USH1C: variants seen among roughly 807,000 people sequenced by gnomAD.
USH1C encodes USH1 protein network component harmonin, also known as harmonin.
In USH1C, 90 loss-of-function variants were observed where a neutral mutation model predicts 119.3. That is an observed-to-expected ratio of 0.75 (90% CI 0.64 to 0.90). The LOEUF is 0.90. Among genes scored for constraint, USH1C ranks in the 40% least tolerant of loss-of-function variants. The pLI is 0.00. For missense variants in USH1C, 1,165 were observed against 1,167.7 expected (o/e 1.00, Z 0.03); for synonymous variants, 465 against 443.3 (o/e 1.05, Z -0.62).
chr11:17,521,482 C>A (rs1184868264), intron 12 of USH1C, 71 bp from the exon 13 acceptor site: 10 of 1,538,052 alleles, frequency 6.5e-6, no homozygotes, highest in African/African-American at 1.4e-5. Context: ...ACTGTGAATT[C>A]TTGATTTGGA....
At chr11:17,530,207 T>A (rs1399410527) in intron 4 of USH1C, among the ~76,000 whole-genome samples, 1 of 152,102 alleles carries the variant, frequency 6.6e-6, no homozygotes, top group African/African-American at 2.4e-5. Context: ...CGCTGGAAGC[T>A]CTTGGTGATG....
intron 14 of USH1C, among the ~76,000 whole-genome samples, chr11:17,518,210 A>G (rs114914711): frequency 6.6e-6 from 1 of 152,218 alleles, no homozygotes; most frequent in Non-Finnish European, 1.5e-5. Flanking sequence ...CTCAAATTAC[A>G]TTTACCCAAC....
chr11:17,522,017 G>C (rs978421695), intron 12 of USH1C, among the ~76,000 whole-genome samples: 2 of 151,936 alleles, frequency 1.3e-5, no homozygotes, highest in African/African-American at 4.8e-5. Context: ...ATTTTTAGTA[G>C]AGACACAGTT....
In USH1C at chr11:17,504,744, G is replaced by A. The variant is rs534537152; in HGVS notation, c.2134-47C>T. 3.6e-5 allele frequency: 57 copies of A among 1,600,898 alleles called. No individual in the cohort carries two copies. The South Asian group carries it at 6.2e-4, about 17-fold the overall frequency. On this transcript the variant is annotated intron_variant, in intron 19 of 26. Coordinates refer to ENST00000005226, the MANE Select transcript of USH1C (RefSeq NM_153676.4). ...AGTTCCACATTGGATGTTACCAATAGGTCTTGGCTGCCCCCTGGTGCCAGG... is the reference window on the plus strand; with the variant it reads ...AGTTCCACATTGGATGTTACCAATAAGTCTTGGCTGCCCCCTGGTGCCAGG...
At chr11:17,498,385 C>T in intron 23 of USH1C, 114 bp from the exon 24 acceptor site, 1 of 998,458 alleles carries the variant, frequency 1.0e-6, no homozygotes, top group South Asian at 1.3e-5. Flanking sequence ...AGCCTGGGTT[C>T]TGAAAGCTCA....
intron 1 of USH1C, among the ~76,000 whole-genome samples, chr11:17,539,052 C>A (rs772700018): frequency 6.6e-6 from 1 of 152,216 alleles, no homozygotes; most frequent in African/African-American, 2.4e-5. Context: ...CTGCTCCCTG[C>A]TGCCACCCTG....
In USH1C at chr11:17,501,168, G is replaced by T. The variant is rs760068779; in HGVS notation, c.2281-18C>A. ...GATCCCTCCTGGTTAGAGGAAAACA[G>T]GCCTTAGGGAGCCAAGCAGACAGCA... On this transcript the variant is annotated intron_variant, in intron 22 of 26. Transcript: ENST00000005226. 12 of 1,601,798 alleles carry T rather than the reference G, an allele frequency of 7.5e-6. No individual in the cohort carries two copies. The highest frequency in any genetic ancestry group is 1.6e-4 in the Middle Eastern group (1 of 6,062).
At chr11:17,519,414 G>A (rs1850312154) in intron 14 of USH1C, among the ~76,000 whole-genome samples, 1 of 152,242 alleles carries the variant, frequency 6.6e-6, no homozygotes, top group African/African-American at 2.4e-5. Flanking sequence ...CAAAGAGCTT[G>A]ATTTGTTTAA....
Position 17,509,585 on chromosome 11 carries a change from C to A in USH1C, c.1784G>T (p.Trp595Leu). The A allele has an allele frequency of 6.3e-7, 1 of 1,592,070 alleles. No homozygotes were observed. ...SGHVSASSSP[W>L]VQRTPPPIPI... ...AATGGGGGGTGGAGTGCGCTGCACC[C>A]ATGGAGAGGATGAGGCGCTCACATG... The change falls in exon 18 of 27, where the codon TGG becomes TTG. Residue 595 changes from tryptophan (W) to leucine (L), a missense_variant. Transcript: ENST00000005226.
chr11:17,527,858 CAT>C (rs1224665888), intron 4 of USH1C, among the ~76,000 whole-genome samples: 2 of 152,136 alleles, frequency 1.3e-5, no homozygotes, highest in Admixed American at 6.5e-5. Flanking sequence ...CACACACACA[CAT>C]ATGATTTTTT....
rs1849570047 is a variant in USH1C, at chr11:17,504,541, C to A, written c.2184+106G>T. On this transcript the variant is annotated intron_variant, in intron 20 of 26. Transcript: ENST00000005226. ...GCCTGAGGCTTGGTGGCAGATGGGG[C>A]CACCATGGACCTGACCAGGTACTCC... 1.5e-5 allele frequency: 19 copies of A among 1,280,786 alleles called. No homozygotes were observed. The South Asian group carries it at 2.2e-4, about 15-fold the overall frequency. 79.3% of individuals were successfully genotyped at this position (1,280,786 alleles called of 1,614,324 possible).
chr11:17,509,345 A>G lies in USH1C; in HGVS notation c.2013+11T>C. 1.3e-6 allele frequency: 2 copies of G among 1,567,988 alleles called. No individual in the cohort carries two copies. Among genetic ancestry groups the G allele is most frequent in the South Asian group, 2.4e-5 (2 of 83,920 alleles). ...TACTTCCAAACATAGCATGCAGAAC[A>G]GGGACATTACCTTTGGGGTGGGTGG... On this transcript the variant is annotated intron_variant, in intron 18 of 26. Transcript: ENST00000005226.
chr11:17,543,267 T>C (rs7933452), intron 1 of USH1C, among the ~76,000 whole-genome samples: 80,414 of 152,128 alleles, frequency 0.53, 21,543 homozygotes, highest in African/African-American at 0.61. Context: ...TGAGCTCAGC[T>C]CTCAAACCAG....
At chr11:17,517,504 G>C in intron 14 of USH1C, 1 of 1,566,122 alleles carries the variant, frequency 6.4e-7, no homozygotes, top group Non-Finnish European at 8.7e-7. Context: ...GGAAGCTGGT[G>C]AACCAAAAGG....
At chr11:17,543,919 T>A (rs553467799) in intron 1 of USH1C, among the ~76,000 whole-genome samples, 32 of 152,116 alleles carry the variant, frequency 2.1e-4, no homozygotes, top group African/African-American at 7.0e-4. Flanking sequence ...AGCCCTGAGC[T>A]GGGGGCACTA....
intron 4 of USH1C, among the ~76,000 whole-genome samples, chr11:17,527,746 C>A (rs548113095): frequency 6.6e-6 from 1 of 152,330 alleles, no homozygotes; most frequent in South Asian, 2.1e-4. Context: ...TCCCAACCCA[C>A]CCCTAGGAAG....
In USH1C at chr11:17,509,741, A is replaced by C; in HGVS notation, c.1628T>G (p.Leu543Arg). ...AGGLHLHTTD[L>R]DDIPLDMFYY... is the part of the protein sequence containing the mutation. Reference sequence around the variant, plus strand: ...GAACATGTCCAAAGGGATGTCGTCCAGGTCAGTGGTGTGCAGGTGCAGTCC... The same window carrying C: ...GAACATGTCCAAAGGGATGTCGTCCCGGTCAGTGGTGTGCAGGTGCAGTCC... Residue 543 changes from leucine to arginine, a missense_variant, in exon 18 of 27, where the codon CTG becomes CGG. Leu to Arg is a moderately radical substitution (Grantham distance 102). Transcript: ENST00000005226. The C allele has an allele frequency of 6.3e-7, 1 of 1,575,550 alleles. No individual in the cohort carries two copies. The highest frequency in any genetic ancestry group is 1.1e-5 in the South Asian group (1 of 90,502).
intron 15 of USH1C, chr11:17,514,455 G>A (rs182937439): frequency 3.3e-5 from 5 of 152,324 alleles, no homozygotes; most frequent in East Asian, 1.9e-4. Context: ...CCAACCTCAC[G>A]TGATTCGCCT....
intron 19 of USH1C, 117 bp from the exon 20 acceptor site, chr11:17,504,814 C>CGAGCA: frequency 1.9e-6 from 2 of 1,056,506 alleles, no homozygotes; most frequent in Non-Finnish European, 2.9e-6. Flanking sequence ...TGTCCCTCCC[C>CGAGCA]GAGCAGTCTG....
Sources: gnomAD v4.1 joint callset for allele counts (sites outside exome capture counted in the v4.1 genomes callset) on GRCh38, gnomAD v4.1.1 for gene constraint, MANE v1.5 for transcripts, NCBI Gene and HGNC (gene_info 2026-07-23, HGNC 2026-07-21) for gene names.